EHD2: variants seen among roughly 807,000 people sequenced by gnomAD.
EHD2 encodes EH domain containing 2.
A neutral mutation model predicts 41.0 loss-of-function variants in EHD2; 27 were observed. The ratio of observed to expected loss-of-function variants is 0.66; its 90% CI spans 0.49 to 0.91. EHD2 has a LOEUF of 0.91. Among genes scored for constraint, EHD2 ranks in the 40% least tolerant of loss-of-function variants. The pLI is 0.00. For synonymous variants in EHD2, 342 were observed against 341.0 expected (o/e 1.00, Z -0.03); for missense variants, 673 against 773.9 (o/e 0.87, Z 1.55).
At chr19:47,720,600 A>G (rs946879296) in intron 3 of EHD2, among the ~76,000 whole-genome samples, 4 of 152,060 alleles carry the variant, frequency 2.6e-5, no homozygotes, top group Non-Finnish European at 4.4e-5. Context: ...AGACAGACAT[A>G]AAGGGCAACT....
At chr19:47,715,967 C>T (rs1172389150) in intron 1 of EHD2, among the ~76,000 whole-genome samples, 1 of 151,848 alleles carries the variant, frequency 6.6e-6, no homozygotes, top group Non-Finnish European at 1.5e-5. Flanking sequence ...CAGGATTGCA[C>T]CATATTGGTC....
At position 47,740,992 on chromosome 19, in the gene EHD2, C is replaced by A; in HGVS notation, c.1192C>A (p.Arg398=). Reference sequence around the variant, plus strand: ...CATCGCCAAGCTCATGCCCCTGCTGCGGCAGGAGGAGCTGGAGAGCACCGA... The same window carrying A: ...CATCGCCAAGCTCATGCCCCTGCTGAGGCAGGAGGAGCTGGAGAGCACCGA... ...HDIAKLMPLL[R]QEELESTEVG... is the part of the protein sequence containing the mutation. The change falls in exon 6 of 6, where the codon CGG becomes AGG. Residue 398 remains arginine (R), a synonymous_variant. Coordinates refer to ENST00000263277, the MANE Select transcript of EHD2 (RefSeq NM_014601.4). 1.9e-6 allele frequency: 3 copies of A among 1,611,424 alleles called. No individual in the cohort carries two copies. Among genetic ancestry groups the A allele is most frequent in the Non-Finnish European group, 2.5e-6 (3 of 1,179,906 alleles).
At position 47,716,583 on chromosome 19, in the gene EHD2, C is replaced by G; in HGVS notation, c.-30C>G. On this transcript the variant is annotated 5_prime_UTR_variant, in exon 2 of 6. Coordinates refer to ENST00000263277, the MANE Select transcript of EHD2 (RefSeq NM_014601.4). Reference sequence around the variant, plus strand: ...GCAGCTCTCCATCTGCACGTCTCTCCGTGAACCCCGTGAGCGGTGTGCAGC... The same window carrying G: ...GCAGCTCTCCATCTGCACGTCTCTCGGTGAACCCCGTGAGCGGTGTGCAGC... The G allele has an allele frequency of 6.8e-7, 1 of 1,472,460 alleles. No individual in the cohort carries two copies. The highest frequency in any genetic ancestry group is 9.0e-7 in the Non-Finnish European group (1 of 1,114,046). 91.2% of individuals were successfully genotyped at this position (1,472,460 alleles called of 1,614,324 possible).
chr19:47,740,209 T>A (rs938232244), intron 5 of EHD2, among the ~76,000 whole-genome samples: 3 of 151,354 alleles, frequency 2.0e-5, no homozygotes, highest in African/African-American at 7.3e-5. Context: ...CTACAAAAAA[T>A]TTTTAAAACT....
chr19:47,730,843 C>A (rs1973800024), intron 4 of EHD2, among the ~76,000 whole-genome samples: 1 of 152,154 alleles, frequency 6.6e-6, no homozygotes, highest in Non-Finnish European at 1.5e-5. Context: ...CAGTGACATT[C>A]ATTCAGCAGT....
In EHD2 at chr19:47,741,426, C is replaced by G; in HGVS notation, c.1626C>G (p.Ala542=). Reference sequence around the variant, plus strand: ...CCAAGCGACGCCACAAGGGCTCCGCCGAGTGAGCCGGCCCCCCTCCCATGG... The same window carrying G: ...CCAAGCGACGCCACAAGGGCTCCGCGGAGTGAGCCGGCCCCCCTCCCATGG... ...PPSKRRHKGS[A]E Residue 542 remains alanine (A), a synonymous_variant, in exon 6 of 6, where the codon GCC becomes GCG. Coordinates refer to ENST00000263277, the MANE Select transcript of EHD2 (RefSeq NM_014601.4). The surrounding 1 kb of genome is among the most constrained non-coding windows in gnomAD (Gnocchi z 4.5). The G allele has an allele frequency of 6.6e-7, 1 of 1,514,816 alleles. No individual in the cohort carries two copies. The allele number at this position is 1,514,816 out of a possible 1,614,324, so 93.8% of individuals were successfully genotyped here. A position where few individuals can be genotyped will look rare whatever the true frequency, so the allele number is the denominator to read the frequency against.
chr19:47,726,381 G>C, intron 4 of EHD2, 157 bp downstream of exon 4: 1 of 805,266 alleles, frequency 1.2e-6, no homozygotes, highest in Non-Finnish European at 1.8e-6. Flanking sequence ...AGGAAGAACT[G>C]TATGGAGAGA....
intron 5 of EHD2, among the ~76,000 whole-genome samples, chr19:47,736,961 G>A (rs1018857048): frequency 1.3e-5 from 2 of 152,048 alleles, no homozygotes; most frequent in Admixed American, 6.6e-5. Context: ...GCCAGGCATG[G>A]TGGCTCACGC....
chr19:47,722,423 T>C (rs1475497284), intron 3 of EHD2, among the ~76,000 whole-genome samples: 1 of 152,014 alleles, frequency 6.6e-6, no homozygotes, highest in Non-Finnish European at 1.5e-5. Context: ...CCCATCCCGG[T>C]CCCTGCGTTG....
intron 2 of EHD2, among the ~76,000 whole-genome samples, chr19:47,717,919 A>T (rs1973647222): frequency 6.7e-6 from 1 of 150,324 alleles, no homozygotes; most frequent in African/African-American, 2.4e-5. Flanking sequence ...AAAAAAAAAA[A>T]AAAAAAAAGG....
Position 47,716,643 on chromosome 19 carries a change from C to G in EHD2, c.31C>G (p.Arg11Gly), listed in dbSNP as rs753444147. The G allele has an allele frequency of 1.3e-6, 2 of 1,565,342 alleles. No individual in the cohort carries two copies. Among genetic ancestry groups the G allele is most frequent in the Middle Eastern group, 1.7e-4 (1 of 5,886 alleles). Residue 11 changes from arginine to glycine, a missense_variant, in exon 2 of 6, where the codon CGG becomes GGG. Coordinates refer to ENST00000263277, the MANE Select transcript of EHD2 (RefSeq NM_014601.4). ...CAGCTGGCTGAAGCGGGGCGGGGCA[C>G]GGGGCCAGCAGCCCGAGGCCATCCG... MFSWLKRGGA[R>G]GQQPEAIRTV...
intron 1 of EHD2, among the ~76,000 whole-genome samples, chr19:47,715,301 A>C (rs536272907): frequency 6.6e-6 from 1 of 151,906 alleles, no homozygotes; most frequent in African/African-American, 2.4e-5. Context: ...CTGGCCACCT[A>C]CCCAGATGTT....
intron 4 of EHD2, among the ~76,000 whole-genome samples, chr19:47,731,030 C>G (rs539867660): frequency 6.6e-6 from 1 of 151,270 alleles, no homozygotes; most frequent in South Asian, 2.1e-4. Flanking sequence ...TTAGAGCGCT[C>G]TGAAGGAGAG....
chr19:47,731,279 A>AAAAAATATAT lies in EHD2; in HGVS notation c.915+5056_915+5057insAAAATATATA. 255 of 60,916 alleles carry AAAAAATATAT rather than the reference A, an allele frequency of 4.2e-3. 5 individuals carry two copies. Among genetic ancestry groups the AAAAAATATAT allele is most frequent in the African/African-American group, 0.012 (249 of 20,460 alleles). 3.8% of individuals were successfully genotyped at this position (60,916 alleles called of 1,614,324 possible). A position where few individuals can be genotyped will look rare whatever the true frequency, so the allele number is the denominator to read the frequency against. ...ATTTGTGATTCTTTAAAAAAAAAAA[A>AAAAAATATAT]ATATATATATATATATATATATACA... On this transcript the variant is annotated intron_variant, in intron 4 of 5. Coordinates refer to ENST00000263277, the MANE Select transcript of EHD2 (RefSeq NM_014601.4).
At position 47,736,496 on chromosome 19, in the gene EHD2, T is replaced by A; in HGVS notation, c.1043T>A (p.Ile348Asn). The change falls in exon 5 of 6, where the codon ATC (isoleucine) becomes AAC (asparagine). Residue 348 changes from isoleucine to asparagine, a missense_variant. Transcript: ENST00000263277. Reference protein sequence around the residue: ...IFAKIQLEHHISPGDFPDCQK... With the variant: ...IFAKIQLEHHNSPGDFPDCQK... ...GCGAAGATTCAGCTGGAACATCACA[T>A]CTCCCCTGGGGACTTTCCTGATTGC... The A allele has an allele frequency of 6.2e-7, 1 of 1,611,044 alleles. No homozygotes were observed. Among genetic ancestry groups the A allele is most frequent in the South Asian group, 1.1e-5 (1 of 90,428 alleles).
intron 3 of EHD2, among the ~76,000 whole-genome samples, chr19:47,722,999 G>A (rs1346933997): frequency 6.6e-6 from 1 of 152,162 alleles, no homozygotes; most frequent in African/African-American, 2.4e-5. Context: ...AGTAAATCAG[G>A]GCTAGCTCCT....
In EHD2 at chr19:47,741,548, G is replaced by A. The variant is rs935242097; in HGVS notation, c.*116G>A. On this transcript the variant is annotated 3_prime_UTR_variant, in exon 6 of 6. Coordinates refer to ENST00000263277, the MANE Select transcript of EHD2 (RefSeq NM_014601.4). This position sits in a 1 kb window ranked among gnomAD's most constrained non-coding sequence, Gnocchi z 4.5. ...CCCTCCCTGCCCAGCTGTAAGGACC[G>A]GGGGTCTCCCTCCTCACTACCGCCA... 27 of 1,246,704 alleles carry A rather than the reference G, an allele frequency of 2.2e-5. 1 individual carries two copies. The highest frequency in any genetic ancestry group is 2.7e-4 in the Middle Eastern group (1 of 3,662). The allele number at this position is 1,246,704 out of a possible 1,614,324, so 77.2% of individuals were successfully genotyped here. A position where few individuals can be genotyped will look rare whatever the true frequency, so the allele number is the denominator to read the frequency against.
At chr19:47,716,435 C>A in intron 1 of EHD2, 123 bp from the exon 2 acceptor site, 1 of 622,640 alleles carries the variant, frequency 1.6e-6, no homozygotes, top group Non-Finnish European at 2.6e-6. Context: ...ATATTTGTGA[C>A]CACAAATATC....
In EHD2 at chr19:47,718,606, G is replaced by A. The variant is rs1409896301; in HGVS notation, c.502G>A (p.Gly168Ser). The A allele has an allele frequency of 1.9e-6, 3 of 1,554,756 alleles. No individual in the cohort carries two copies. The highest frequency in any genetic ancestry group is 2.4e-5 in the South Asian group (2 of 84,754). ...GGGTGCCAAGCAGAGAGTGAGCCGC[G>A]GTGAGTGGGGCCAGACCCTGGGGTC... Reference protein sequence around the residue: ...LSGAKQRVSRGYDFPAVLRWF... With the variant: ...LSGAKQRVSRSYDFPAVLRWF... Residue 168 changes from glycine to serine, a missense_variant and splice_region_variant, in exon 3 of 6, where the codon GGC (glycine) becomes AGC (serine). Gly to Ser is a moderately conservative substitution (Grantham distance 56). Coordinates refer to ENST00000263277, the MANE Select transcript of EHD2 (RefSeq NM_014601.4).
Sources: allele counts gnomAD v4.1 joint callset (sites outside exome capture counted in the v4.1 genomes callset), GRCh38; gene constraint gnomAD v4.1.1; non-coding constraint Gnocchi (gnomAD v3.1); transcripts MANE v1.5; gene names NCBI Gene and HGNC (gene_info 2026-07-23, HGNC 2026-07-21).